HELZ: variants seen among roughly 807,000 people sequenced by gnomAD.
HELZ encodes the protein helicase with zinc finger, also known as ATP-dependent RNA helicase with zinc finger domain.
A neutral mutation model predicts 218.2 loss-of-function variants in HELZ; 23 were observed. That is an observed-to-expected ratio of 0.11 (90% CI 0.08 to 0.15). The LOEUF (loss-of-function observed/expected upper bound fraction) is 0.15, where lower values mean the gene tolerates loss of function less well. Among genes scored for constraint, HELZ ranks in the 10% least tolerant of loss-of-function variants. The probability of loss-of-function intolerance (pLI) is 1.00; values close to 1 mark genes in which losing one functional copy is unlikely to be tolerated. For synonymous variants in HELZ, 814 were observed against 829.4 expected (o/e 0.98, Z 0.32); for missense variants, 1,813 against 2,353.7 (o/e 0.77, Z 4.75).
At chr17:67,102,809 A>G (rs1019130697) in intron 31 of HELZ, among the ~76,000 whole-genome samples, 3 of 152,230 alleles carry the variant, frequency 2.0e-5, no homozygotes, top group Admixed American at 2.0e-4. Context: ...CTCATGCAAC[A>G]AAATAAAACT....
At chr17:67,220,915 C>T (rs2040728932) in intron 3 of HELZ, among the ~76,000 whole-genome samples, 1 of 146,848 alleles carries the variant, frequency 6.8e-6, no homozygotes, top group South Asian at 2.2e-4. Flanking sequence ...TTTAAACTTC[C>T]TCAGCTTTCC....
chr17:67,171,686 TTC>T (rs1333115951), intron 13 of HELZ, among the ~76,000 whole-genome samples: 1 of 152,102 alleles, frequency 6.6e-6, no homozygotes, highest in Admixed American at 6.5e-5. Flanking sequence ...AGGACAGAGT[TTC>T]TCTCTCATTT....
chr17:67,198,989 T>C (rs1259119009), intron 7 of HELZ, among the ~76,000 whole-genome samples: 2 of 152,088 alleles, frequency 1.3e-5, no homozygotes, highest in Non-Finnish European at 2.9e-5. Flanking sequence ...ACATTAAAAA[T>C]AAAATAAATT....
At chr17:67,209,682 G>A (rs1317958411) in intron 5 of HELZ, among the ~76,000 whole-genome samples, 1 of 152,162 alleles carries the variant, frequency 6.6e-6, no homozygotes, top group African/African-American at 2.4e-5. Flanking sequence ...TTTCAGATCA[G>A]AAAGACTTCA....
chr17:67,236,314 ATC>A (rs1478639768), intron 3 of HELZ, among the ~76,000 whole-genome samples: 1 of 152,236 alleles, frequency 6.6e-6, no homozygotes, highest in Non-Finnish European at 1.5e-5. Flanking sequence ...ATATCCATAT[ATC>A]TGTTAGGAGC....
rs2143467232 is a variant in HELZ, at chr17:67,072,476, G to A, written c.*5776C>T. On this transcript the variant is annotated 3_prime_UTR_variant, in exon 33 of 33. Transcript: ENST00000358691. ...GCTAGGTGCACTCTCATGGCATTCT[G>A]ATGGCTTCTTTCCAGGATTCTCACT... 6.5e-6 allele frequency: 1 copy of A among 152,830 alleles called. No homozygotes were observed. The highest frequency in any genetic ancestry group is 1.9e-4 in the East Asian group (1 of 5,180). 9.5% of individuals were successfully genotyped at this position (152,830 alleles called of 1,614,324 possible). A position where few individuals can be genotyped will look rare whatever the true frequency, so the allele number is the denominator to read the frequency against.
chr17:67,175,694 C>T (rs1354709992), intron 13 of HELZ, among the ~76,000 whole-genome samples: 1 of 152,172 alleles, frequency 6.6e-6, no homozygotes, highest in African/African-American at 2.4e-5. Context: ...ATTTACCAGC[C>T]TTCATATCCA....
chr17:67,091,300 G>A (rs969255351), intron 31 of HELZ, among the ~76,000 whole-genome samples: 1 of 152,058 alleles, frequency 6.6e-6, no homozygotes, highest in Non-Finnish European at 1.5e-5. Context: ...TGGTCATCCT[G>A]AGGCCTGCTA....
chr17:67,149,591 A>G (rs952506925), intron 19 of HELZ, among the ~76,000 whole-genome samples: 1 of 152,206 alleles, frequency 6.6e-6, no homozygotes, highest in Admixed American at 6.5e-5. Context: ...CACAAAAAAA[A>G]GTAAGAATCA....
At chr17:67,171,657 G>C (rs9903876) in intron 13 of HELZ, among the ~76,000 whole-genome samples, 13,245 of 152,112 alleles carry the variant, frequency 0.087, 1,510 homozygotes, top group African/African-American at 0.26. Context: ...AATCTGGTAA[G>C]TAGCTTTCTA....
intron 13 of HELZ, chr17:67,176,224 C>G (rs1028130530): frequency 6.6e-6 from 1 of 152,152 alleles, no homozygotes; most frequent in Admixed American, 6.5e-5. Flanking sequence ...CAAATACATA[C>G]ACGTATGTGT....
At position 67,195,445 on chromosome 17, in the gene HELZ, C is replaced by T. The variant is rs1331594745; in HGVS notation, c.455G>A (p.Gly152Glu). 2.1e-5 allele frequency: 33 copies of T among 1,606,938 alleles called. No individual in the cohort carries two copies. The highest frequency in any genetic ancestry group is 2.6e-5 in the Non-Finnish European group (31 of 1,173,648). The change falls in exon 8 of 33, where the codon GGA becomes GAA. Residue 152 changes from glycine to glutamate, a missense_variant. Gly to Glu is a moderately conservative substitution (Grantham distance 98). This residue lies in a region of HELZ where 714 missense variants were observed against 1,029.2 expected (regional missense o/e 0.69). Transcript: ENST00000358691. ...CTCATCTAAGTCTTCCACGTGATAT[C>T]CAGAGAGGGCGTTACTAGTTGCTGT... ...TETATSNALS[G>E]YHVEDLDEGS...
chr17:67,213,668 C>G (rs1233432433), intron 5 of HELZ, among the ~76,000 whole-genome samples: 1 of 151,714 alleles, frequency 6.6e-6, no homozygotes, highest in African/African-American at 2.4e-5. Flanking sequence ...CTCCTTAACC[C>G]AGAAATCCAA....
chr17:67,208,241 A>T (rs2040356036), intron 5 of HELZ, among the ~76,000 whole-genome samples: 1 of 152,146 alleles, frequency 6.6e-6, no homozygotes, highest in Non-Finnish European at 1.5e-5. Context: ...CAAAAAAAGA[A>T]GTTTTTCAAA....
intron 2 of HELZ, among the ~76,000 whole-genome samples, chr17:67,242,721 G>C (rs1316889148): frequency 1.3e-5 from 2 of 151,756 alleles, no homozygotes; most frequent in Non-Finnish European, 2.9e-5. Flanking sequence ...GCACTGCTGA[G>C]TTTCAAACAC....
intron 12 of HELZ, 79 bp from the exon 13 acceptor site, chr17:67,179,005 TTACA>T: frequency 2.2e-6 from 2 of 926,076 alleles, no homozygotes; most frequent in Non-Finnish European, 3.2e-6. Context: ...CTTAACTATA[TTACA>T]TATTTTTGTA....
chr17:67,142,563 G>A (rs2038361675), intron 21 of HELZ, among the ~76,000 whole-genome samples: 1 of 151,878 alleles, frequency 6.6e-6, no homozygotes, highest in South Asian at 2.1e-4. Context: ...AAAAAATCAA[G>A]ATCCAATAAT....
Position 67,166,574 on chromosome 17 carries a change from A to C in HELZ, c.1799T>G (p.Leu600Arg), listed in dbSNP as rs750067081. The C allele has an allele frequency of 6.2e-7, 1 of 1,613,304 alleles. No individual in the cohort carries two copies. The highest frequency in any genetic ancestry group is 1.7e-5 in the Admixed American group (1 of 60,008). ...GTCTAGTGCATAGTGCATTTCACAG[A>C]GGGGTAATCGATTTAATTGAAACTG... ...ELQFQLNRLP[L>R]CEMHYALDRI... is the part of the protein sequence containing the mutation. The change falls in exon 15 of 33, where the codon CTC becomes CGC. Residue 600 changes from leucine (L) to arginine (R), a missense_variant. Around this residue, in one of 4 missense-constraint regions of HELZ, gnomAD observed 714 missense variants for 1,029.2 expected, o/e 0.69. Coordinates refer to ENST00000358691, the MANE Select transcript of HELZ (RefSeq NM_014877.4).
At position 67,233,851 on chromosome 17, in the gene HELZ, G is replaced by A. The variant is rs540878073; in HGVS notation, c.-19+5582C>T. 2.0e-5 allele frequency among the ~76,000 whole-genome samples: 3 copies of A among 151,742 alleles called. No homozygotes were observed. The South Asian group carries it at 6.3e-4, about 32-fold the overall frequency. ...ACTTGAGACATAGAACTCAAGTTCTGTATACATAGAAACCCCCACCCCCGT... is the reference window on the plus strand; with the variant it reads ...ACTTGAGACATAGAACTCAAGTTCTATATACATAGAAACCCCCACCCCCGT... On this transcript the variant is annotated intron_variant, in intron 3 of 32. Transcript: ENST00000358691.
Sources: allele counts gnomAD v4.1 joint callset (sites outside exome capture counted in the v4.1 genomes callset), GRCh38; gene constraint gnomAD v4.1.1; regional missense constraint gnomAD v4.1.1; transcripts MANE v1.5; gene names NCBI Gene and HGNC (gene_info 2026-07-23, HGNC 2026-07-21).